ANKRD17: variants seen among roughly 807,000 people sequenced by gnomAD.
ANKRD17 encodes ankyrin repeat domain-containing protein 17.
In ANKRD17, 19 loss-of-function variants were observed where a neutral mutation model predicts 229.7. That is an observed-to-expected ratio of 0.08 (90% confidence interval 0.06 to 0.12). The LOEUF (loss-of-function observed/expected upper bound fraction) is 0.12, where lower values mean the gene tolerates loss of function less well. Ranked by LOEUF, ANKRD17 falls within the 10% of genes least tolerant of loss-of-function variation. ANKRD17 has a pLI of 1.00. For missense variants in ANKRD17, 2,176 were observed against 3,176.8 expected (o/e 0.68, Z 7.57); for synonymous variants, 1,112 against 1,146.1 (o/e 0.97, Z 0.60).
Position 73,076,929 on chromosome 4 carries a change from A to T in ANKRD17, c.7752+11T>A, listed in dbSNP as rs374815276. ...AAAACAACTGTTTATTCACTGAATG[A>T]TCAGCCTCACCGTTTGAGGGCCATT... is the stretch of plus-strand genomic sequence containing the variant. On this transcript the variant is annotated intron_variant, in intron 33 of 33. Coordinates refer to ENST00000358602, the MANE Select transcript of ANKRD17 (RefSeq NM_032217.5). The T allele has an allele frequency of 1.6e-5, 26 of 1,603,014 alleles. No individual in the cohort carries two copies. The highest frequency in any genetic ancestry group is 8.7e-5 in the Admixed American group (5 of 57,406).
chr4:73,155,001 A>G (rs1731475519), intron 5 of ANKRD17, among the ~76,000 whole-genome samples: 3 of 151,330 alleles, frequency 2.0e-5, no homozygotes, highest in Non-Finnish European at 4.4e-5. Flanking sequence ...AGATCCCGCC[A>G]CTGCACTCCA....
chr4:73,239,386 A>G (rs1474210910), intron 1 of ANKRD17, among the ~76,000 whole-genome samples: 1 of 152,182 alleles, frequency 6.6e-6, no homozygotes, highest in African/African-American at 2.4e-5. Flanking sequence ...CTTTGGATAC[A>G]ACCAAAATTT....
intron 1 of ANKRD17, among the ~76,000 whole-genome samples, chr4:73,229,969 TC>T (rs996603548): frequency 1.3e-5 from 2 of 152,106 alleles, no homozygotes; most frequent in African/African-American, 2.4e-5. Flanking sequence ...ATTAAAAAAA[TC>T]TAATGTACAA....
At chr4:73,222,865 G>T (rs1334897264) in intron 1 of ANKRD17, 6 of 898,730 alleles carry the variant, frequency 6.7e-6, no homozygotes, top group Non-Finnish European at 8.7e-6. Flanking sequence ...TTTATGCTCT[G>T]CTTCTCTTTG....
chr4:73,135,130 T>C lies in ANKRD17; in HGVS notation c.3221A>G (p.Asp1074Gly). 14 of 1,613,342 alleles carry C rather than the reference T, an allele frequency of 8.7e-6. No homozygotes were observed. The highest frequency in any genetic ancestry group is 1.1e-5 in the Non-Finnish European group (13 of 1,179,554). The part of the protein sequence containing the change: ...SAMLPIYPAI[D>G]IDAQTESNHD... ...TTTGGGACTTACCTGTGCATCAATA[T>C]CAATGGCAGGGTAGATAGGAAGCAT... Residue 1074 changes from aspartate to glycine, a missense_variant, in exon 16 of 34, where the codon GAT becomes GGT. Transcript: ENST00000358602.
chr4:73,173,871 C>A (rs532793429), intron 2 of ANKRD17, among the ~76,000 whole-genome samples: 1 of 152,228 alleles, frequency 6.6e-6, no homozygotes, highest in South Asian at 2.1e-4. Flanking sequence ...TCAGGGAAGG[C>A]AGCTAGCAGA....
At chr4:73,220,476 C>T (rs375234073) in intron 1 of ANKRD17, among the ~76,000 whole-genome samples, 1 of 152,164 alleles carries the variant, frequency 6.6e-6, no homozygotes, top group South Asian at 2.1e-4. Flanking sequence ...TTTTATTATA[C>T]ATTTTAGAGA....
intron 2 of ANKRD17, among the ~76,000 whole-genome samples, chr4:73,168,541 G>T (rs1454403063): frequency 6.6e-6 from 1 of 152,086 alleles, no homozygotes; most frequent in Non-Finnish European, 1.5e-5. Flanking sequence ...TTCACATGAG[G>T]TTTCAGCCTA....
Position 73,161,238 on chromosome 4 carries a change from T to C in ANKRD17, c.658A>G (p.Thr220Ala). The C allele has an allele frequency of 6.2e-7, 1 of 1,614,206 alleles. No homozygotes were observed. Among genetic ancestry groups the C allele is most frequent in the Non-Finnish European group, 8.5e-7 (1 of 1,180,036 alleles). ...CALDEAAAAL[T>A]RMRAESTANA... Reference sequence around the variant, plus strand: ...GCTGTGCTTTCAGCTCTCATACGGGTAAGTGCAGCAGCAGCTTCATCCAAC... The same window carrying C: ...GCTGTGCTTTCAGCTCTCATACGGGCAAGTGCAGCAGCAGCTTCATCCAAC... Residue 220 changes from threonine (T) to alanine (A), a missense_variant, in exon 3 of 34, where the codon ACC becomes GCC. Physicochemically the swap from Thr to Ala is moderately conservative, Grantham distance 58. This residue lies in a region of ANKRD17 where 184 missense variants were observed against 357.8 expected (regional missense o/e 0.51). Transcript: ENST00000358602.
Position 73,091,835 on chromosome 4 carries a change from A to T in ANKRD17, c.5793T>A (p.Pro1931=), listed in dbSNP as rs1349589234. Residue 1931 remains proline, a synonymous_variant, in exon 29 of 34, where the codon CCT becomes CCA. Coordinates refer to ENST00000358602, the MANE Select transcript of ANKRD17 (RefSeq NM_032217.5). ...AGTTAGTAGCTCTGGCAGGGCTCAAAGGCCTGACAGGAAACGGACCCCAAG... is the reference window on the plus strand; with the variant it reads ...AGTTAGTAGCTCTGGCAGGGCTCAATGGCCTGACAGGAAACGGACCCCAAG... ...QSTWGPFPVR[P]LSPARATNSP... is the part of the protein sequence containing the mutation. 1 of 1,614,198 alleles carries T rather than the reference A, an allele frequency of 6.2e-7. No individual in the cohort carries two copies. Among genetic ancestry groups the T allele is most frequent in the African/African-American group, 1.3e-5 (1 of 75,054 alleles).
chr4:73,075,648 T>C lies in ANKRD17; in HGVS notation c.*583A>G, dbSNP rs987148008. 3 of 152,652 alleles carry C rather than the reference T, an allele frequency of 2.0e-5. No homozygotes were observed. Among genetic ancestry groups the C allele is most frequent in the Non-Finnish European group, 2.9e-5 (2 of 68,026 alleles). The allele number at this position is 152,652 out of a possible 1,614,324, so 9.5% of individuals were successfully genotyped here. The stretch of plus-strand genomic sequence containing the variant: ...GGGAAACATCCAATGATAATGCCCA[T>C]TATTTTACTTTATACTTAAATTACA... On this transcript the variant is annotated 3_prime_UTR_variant, in exon 34 of 34. Coordinates refer to ENST00000358602, the MANE Select transcript of ANKRD17 (RefSeq NM_032217.5).
At position 73,203,667 on chromosome 4, in the gene ANKRD17, G is replaced by A. The variant is rs1463265383; in HGVS notation, c.394-26134C>T. Among the ~76,000 whole-genome samples, 3 of 149,400 alleles carry A rather than the reference G, an allele frequency of 2.0e-5. No homozygotes were observed. The East Asian group carries it at 6.0e-4, about 30-fold the overall frequency. ...CAGCTACTCGGGAGGCTGAGGCAGG[G>A]AGAATGGTGTGAACCCAGGAGGCGG... On this transcript the variant is annotated intron_variant, in intron 1 of 33. Coordinates refer to ENST00000358602, the MANE Select transcript of ANKRD17 (RefSeq NM_032217.5).
rs115181919 is a variant in ANKRD17 at position 73,085,192 on chromosome 4, G to C, written c.7159+57C>G. The C allele has an allele frequency of 7.9e-4, 1,211 of 1,534,624 alleles. 8 individuals are homozygous for C. The African/African-American group carries it at 0.014, about 17-fold the overall frequency. ...AAAATTATGATGAGGTTTGAAACCTGCTGTTTTTAAGAAAACATATGCAGA... is the reference window on the plus strand; with the variant it reads ...AAAATTATGATGAGGTTTGAAACCTCCTGTTTTTAAGAAAACATATGCAGA... On this transcript the variant is annotated intron_variant, in intron 30 of 33. Transcript: ENST00000358602.
intron 24 of ANKRD17, among the ~76,000 whole-genome samples, chr4:73,107,734 A>G (rs771389860): frequency 5.3e-5 from 8 of 152,200 alleles, no homozygotes; most frequent in Non-Finnish European, 1.2e-4. Flanking sequence ...GGCTAAGAAC[A>G]GTAGCAAATG....
In ANKRD17 at chr4:73,118,765, A is replaced by G. The variant is rs1435086127; in HGVS notation, c.4111T>C (p.Leu1371=). 4 of 1,613,964 alleles carry G rather than the reference A, an allele frequency of 2.5e-6. No individual in the cohort carries two copies. The Admixed American group carries it at 5.0e-5, about 20-fold the overall frequency. Residue 1371 remains leucine, a synonymous_variant, in exon 22 of 34, where the codon TTA becomes CTA. Coordinates refer to ENST00000358602, the MANE Select transcript of ANKRD17 (RefSeq NM_032217.5). ...ANGGHLDVVQ[L]LVQAGADVDA... ...ACATCTGCACCTGCTTGCACCAGTA[A>G]CTGAACCACATCGAGGTGTCCACCA...
Position 73,258,588 on chromosome 4 carries a change from C to T in ANKRD17, c.81G>A (p.Ala27=), listed in dbSNP as rs1745709135. ...CGACCTCCGCCGCCGCGGGGGGGCC[C>T]GCCACAGCCGCCACCGCCGGGGGGC... is the stretch of plus-strand genomic sequence containing the variant. ...EGSPPAVAAV[A]GPPAAAEVGG... The change falls in exon 1 of 34, where the codon GCG becomes GCA. Residue 27 remains alanine (A), a synonymous_variant. Coordinates refer to ENST00000358602, the MANE Select transcript of ANKRD17 (RefSeq NM_032217.5). 8.2e-6 allele frequency: 12 copies of T among 1,469,220 alleles called. No homozygotes were observed. Among genetic ancestry groups the T allele is most frequent in the Non-Finnish European group, 1.1e-5 (12 of 1,121,654 alleles). 91.0% of individuals were successfully genotyped at this position (1,469,220 alleles called of 1,614,324 possible). A position where few individuals can be genotyped will look rare whatever the true frequency, so the allele number is the denominator to read the frequency against.
chr4:73,097,434 CTT>C (rs1277668219), intron 26 of ANKRD17, among the ~76,000 whole-genome samples, 162 bp from the exon 27 acceptor site: 1 of 132,056 alleles, frequency 7.6e-6, no homozygotes, highest in Admixed American at 7.3e-5. Flanking sequence ...TATAGAGAGC[CTT>C]TTTTTTTTTT....
intron 15 of ANKRD17, among the ~76,000 whole-genome samples, chr4:73,137,724 T>G (rs540141179): frequency 8.7e-4 from 132 of 152,142 alleles, no homozygotes; most frequent in Non-Finnish European, 2.1e-4. Flanking sequence ...ATGAGCATAA[T>G]AAAAAAGTAA....
intron 1 of ANKRD17, among the ~76,000 whole-genome samples, chr4:73,227,364 G>A (rs1173640633): frequency 6.6e-6 from 1 of 152,038 alleles, no homozygotes; most frequent in African/African-American, 2.4e-5. Flanking sequence ...ATGTTGGCCA[G>A]GGTGCTCTCG....
Sources: allele counts gnomAD v4.1 joint callset (sites outside exome capture counted in the v4.1 genomes callset), GRCh38; gene constraint gnomAD v4.1.1; regional missense constraint gnomAD v4.1.1; transcripts MANE v1.5; gene names NCBI Gene and HGNC (gene_info 2026-07-23, HGNC 2026-07-21).